OSBPL8: variants seen among roughly 807,000 people sequenced by gnomAD.
OSBPL8 encodes the protein oxysterol binding protein like 8, also known as oxysterol-binding protein-related protein 8.
Under a neutral mutation model 125.5 loss-of-function variants are expected in OSBPL8, and 59 were observed. That is an observed-to-expected ratio of 0.47 (90% CI 0.38 to 0.58). The LOEUF (loss-of-function observed/expected upper bound fraction) is 0.58, where lower values mean the gene tolerates loss of function less well. OSBPL8 is among the 20% of genes least tolerant of loss of function. OSBPL8 has a pLI of 0.00. For missense variants in OSBPL8, 758 were observed against 1,047.8 expected, an observed-to-expected ratio of 0.72 and a Z score of 3.82; for synonymous variants, 330 against 338.9, an observed-to-expected ratio of 0.97 and a Z score of 0.29.
At chr12:76,466,686 C>T (rs537222904) in intron 2 of OSBPL8, among the ~76,000 whole-genome samples, 6 of 152,192 alleles carry the variant, frequency 3.9e-5, no homozygotes, top group South Asian at 2.1e-4. Flanking sequence ...AGGCTGGGCG[C>T]GGTGGCTCAT....
At chr12:76,399,840 G>A (rs935119577) in intron 7 of OSBPL8, 33 bp downstream of exon 7, 4 of 1,526,288 alleles carry the variant, frequency 2.6e-6, no homozygotes, top group Non-Finnish European at 3.5e-6. Flanking sequence ...TAAACATCCA[G>A]CAATCTGAAT....
chr12:76,457,706 T>C (rs1426070675), intron 3 of OSBPL8, among the ~76,000 whole-genome samples: 2 of 152,186 alleles, frequency 1.3e-5, no homozygotes, highest in Non-Finnish European at 2.9e-5. Context: ...TTATGTTGTA[T>C]ATTTTTATTT....
intron 2 of OSBPL8, among the ~76,000 whole-genome samples, chr12:76,465,824 G>C (rs1303361547): frequency 6.6e-6 from 1 of 151,956 alleles, no homozygotes; most frequent in African/African-American, 2.4e-5. Flanking sequence ...TGGCCAACAT[G>C]GTGAAACCCC....
intron 1 of OSBPL8, among the ~76,000 whole-genome samples, chr12:76,548,216 C>A (rs367562786): frequency 1.3e-5 from 2 of 151,780 alleles, no homozygotes; most frequent in East Asian, 1.9e-4. Context: ...AAAATTGAGG[C>A]TAGAAAGAAA....
At chr12:76,536,526 G>A (rs1163828766) in intron 1 of OSBPL8, among the ~76,000 whole-genome samples, 2 of 152,048 alleles carry the variant, frequency 1.3e-5, no homozygotes. Context: ...GTAAATTACA[G>A]CAACACAATT....
chr12:76,494,338 G>A (rs1879053118), intron 1 of OSBPL8, among the ~76,000 whole-genome samples: 1 of 152,168 alleles, frequency 6.6e-6, no homozygotes, highest in African/African-American at 2.4e-5. Context: ...CACTGACTGG[G>A]TGGGAGTCTT....
chr12:76,355,901 G>A lies in OSBPL8; in HGVS notation c.2658C>T (p.Phe886=). ...LLILLQVIIN[F]MFK is the part of the protein sequence containing the mutation. ...TGGTAGAGAACTTCTACTTGAACAT[G>A]AAGTTTATTATGACTTGAAGCAAAA... Residue 886 remains phenylalanine (F), a synonymous_variant, in exon 24 of 24, where the codon TTC becomes TTT. Transcript: ENST00000261183. 6.2e-7 allele frequency: 1 copy of A among 1,613,364 alleles called. No homozygotes were observed. Among genetic ancestry groups the A allele is most frequent in the Non-Finnish European group, 8.5e-7 (1 of 1,179,628 alleles).
intron 3 of OSBPL8, among the ~76,000 whole-genome samples, chr12:76,454,620 G>A (rs1873796859): frequency 6.6e-6 from 1 of 151,964 alleles, no homozygotes; most frequent in Admixed American, 6.6e-5. Context: ...TAGGGAGGCT[G>A]AGGTGGGAGC....
Position 76,354,220 on chromosome 12 carries a change from T to C in OSBPL8, c.*1669A>G, listed in dbSNP as rs1951910270. On this transcript the variant is annotated 3_prime_UTR_variant, in exon 24 of 24. Coordinates refer to ENST00000261183, the MANE Select transcript of OSBPL8 (RefSeq NM_020841.5). ...ATATCATGAAAATACTGGGTATAGG[T>C]AGATCTTATTTAAGCTTTTATCAAT... The C allele has an allele frequency of 6.6e-6, 1 of 152,214 alleles. No homozygotes were observed. Among genetic ancestry groups the C allele is most frequent in the Non-Finnish European group, 1.5e-5 (1 of 67,764 alleles). 9.4% of individuals were successfully genotyped at this position (152,214 alleles called of 1,614,324 possible).
At chr12:76,548,826 C>T (rs1363287765) in intron 1 of OSBPL8, among the ~76,000 whole-genome samples, 1 of 152,080 alleles carries the variant, frequency 6.6e-6, no homozygotes, top group Non-Finnish European at 1.5e-5. Flanking sequence ...GTCTGTCTTT[C>T]TTAACCATGA....
In OSBPL8 at chr12:76,481,434, T is replaced by C. The variant is rs572242503; in HGVS notation, c.42+6076A>G. Among the ~76,000 whole-genome samples, 305 of 152,192 alleles carry C rather than the reference T, an allele frequency of 2.0e-3. 2 individuals carry two copies. Among genetic ancestry groups the C allele is most frequent in the African/African-American group, 7.0e-3 (290 of 41,516 alleles). On this transcript the variant is annotated intron_variant, in intron 2 of 23. Coordinates refer to ENST00000261183, the MANE Select transcript of OSBPL8 (RefSeq NM_020841.5). ...TAAAAAAACTATTGTTGTTACAGCC[T>C]GGGAAACATAGCAAGACCCTGCGTC... is the stretch of plus-strand genomic sequence containing the variant.
At chr12:76,459,398 A>T (rs953848427) in intron 3 of OSBPL8, among the ~76,000 whole-genome samples, 11 of 152,220 alleles carry the variant, frequency 7.2e-5, no homozygotes, top group Non-Finnish European at 1.3e-4. Flanking sequence ...ACATCTTCTA[A>T]ATTCCTAAGG....
rs1476442744 is a variant in OSBPL8 at position 76,450,713 on chromosome 12, AAAAC to A, written c.217+134_217+137del. ...CAAGAGTATTATAGATGACCTAAAC[AAAAC>A]AAACAAAACCCCTTACAAAACCAAA... On this transcript the variant is annotated intron_variant, in intron 4 of 23. Transcript: ENST00000261183. 6 of 827,336 alleles carry A rather than the reference AAAAC, an allele frequency of 7.3e-6. No individual in the cohort carries two copies. In the African/African-American group the frequency reaches 8.7e-5, roughly 12 times the overall value. 51.2% of individuals were successfully genotyped at this position (827,336 alleles called of 1,614,324 possible). A position where few individuals can be genotyped will look rare whatever the true frequency, so the allele number is the denominator to read the frequency against.
At chr12:76,470,808 T>C (rs1221638447) in intron 2 of OSBPL8, among the ~76,000 whole-genome samples, 2 of 152,184 alleles carry the variant, frequency 1.3e-5, no homozygotes. Flanking sequence ...GTTCCTCATG[T>C]CTCTGCAACT....
chr12:76,437,295 C>T (rs1204181184), intron 4 of OSBPL8, among the ~76,000 whole-genome samples: 1 of 152,168 alleles, frequency 6.6e-6, no homozygotes, highest in East Asian at 1.9e-4. Context: ...TCCTTACTGA[C>T]ACCTGTAATT....
chr12:76,354,700 T>A lies in OSBPL8; in HGVS notation c.*1189A>T, dbSNP rs1300468830. On this transcript the variant is annotated 3_prime_UTR_variant, in exon 24 of 24. Coordinates refer to ENST00000261183, the MANE Select transcript of OSBPL8 (RefSeq NM_020841.5). ...TAAACTGAAGAAACAAACAAAAAAA[T>A]TTGCCTTAGCCTGAACAATAGGAAT... 3 of 151,852 alleles carry A rather than the reference T, an allele frequency of 2.0e-5. No individual in the cohort carries two copies. Among genetic ancestry groups the A allele is most frequent in the Non-Finnish European group, 2.9e-5 (2 of 67,830 alleles). 9.4% of individuals were successfully genotyped at this position (151,852 alleles called of 1,614,324 possible). A position where few individuals can be genotyped will look rare whatever the true frequency, so the allele number is the denominator to read the frequency against.
intron 6 of OSBPL8, among the ~76,000 whole-genome samples, chr12:76,401,168 A>C (rs1954038600): frequency 6.6e-6 from 1 of 152,294 alleles, no homozygotes; most frequent in South Asian, 2.1e-4. Flanking sequence ...CATTTTTATT[A>C]TACCCCCAAC....
At chr12:76,389,473 A>T (rs1365929222) in intron 12 of OSBPL8, among the ~76,000 whole-genome samples, 172 bp downstream of exon 12, 1 of 152,220 alleles carries the variant, frequency 6.6e-6, no homozygotes, top group Non-Finnish European at 1.5e-5. Flanking sequence ...ACATTATAGC[A>T]AAGTATCAAA....
chr12:76,472,391 C>T (rs570481194), intron 2 of OSBPL8, among the ~76,000 whole-genome samples: 1 of 152,296 alleles, frequency 6.6e-6, no homozygotes, highest in African/African-American at 2.4e-5. Context: ...CCCACAGGGT[C>T]GGTGGGTTTT....
Sources: gnomAD v4.1 joint callset for allele counts (sites outside exome capture counted in the v4.1 genomes callset) on GRCh38, gnomAD v4.1.1 for gene constraint, MANE v1.5 for transcripts, NCBI Gene and HGNC (gene_info 2026-07-23, HGNC 2026-07-21) for gene names.